The following WWOX variants were observed in gnomAD, a reference collection of about 807,000 sequenced individuals.
WWOX encodes WW domain-containing oxidoreductase.
WWOX carries 69 observed loss-of-function variants against 46.2 expected under a neutral mutation model. The ratio of observed to expected loss-of-function variants is 1.49; its 90% CI spans 1.23 to 1.82. WWOX has a LOEUF of 1.82. WWOX is among the 40% of genes most tolerant of loss of function. WWOX has a pLI of 0.00. For synonymous variants in WWOX, 359 were observed against 202.6 expected (o/e 1.77, Z -6.56); for missense variants, 919 against 542.6 (o/e 1.69, Z -6.89).
intron 8 of WWOX, among the ~76,000 whole-genome samples, chr16:79,107,328 T>C (rs2049331090): frequency 6.6e-6 from 1 of 151,842 alleles, no homozygotes; most frequent in Admixed American, 6.6e-5. Flanking sequence ...GCTCAAGTGA[T>C]CCGCCCTTCT....
chr16:78,672,341 T>G (rs920478864), intron 8 of WWOX, among the ~76,000 whole-genome samples: 4 of 152,212 alleles, frequency 2.6e-5, no homozygotes, highest in Non-Finnish European at 4.4e-5. Flanking sequence ...AAGTGCTTGT[T>G]AACTTTGCAC....
At chr16:78,770,206 T>C (rs1376332646) in intron 8 of WWOX, among the ~76,000 whole-genome samples, 1 of 151,546 alleles carries the variant, frequency 6.6e-6, no homozygotes, top group Non-Finnish European at 1.5e-5. Context: ...CAAAAGTGAG[T>C]CGGGGTTGGT....
At chr16:78,792,246 G>A (rs1157217193) in intron 8 of WWOX, among the ~76,000 whole-genome samples, 1 of 152,120 alleles carries the variant, frequency 6.6e-6, no homozygotes, top group Non-Finnish European at 1.5e-5. Flanking sequence ...TCTTTCTCAC[G>A]AGTCTGGCAA....
At chr16:78,662,913 G>T (rs1420705106) in intron 8 of WWOX, among the ~76,000 whole-genome samples, 1 of 152,162 alleles carries the variant, frequency 6.6e-6, no homozygotes, top group Non-Finnish European at 1.5e-5. Context: ...GAGAAGGTGA[G>T]AGTGCAAGAA....
intron 8 of WWOX, among the ~76,000 whole-genome samples, chr16:78,572,848 A>T (rs1425206846): frequency 6.6e-6 from 1 of 152,068 alleles, no homozygotes; most frequent in Non-Finnish European, 1.5e-5. Flanking sequence ...GAGGTATTGG[A>T]AAGTTCTGTT....
At chr16:78,119,014 G>C (rs1022163121) in intron 4 of WWOX, 5 of 152,178 alleles carry the variant, frequency 3.3e-5, no homozygotes, top group Admixed American at 3.3e-4. Context: ...CTCTCTCTGT[G>C]GAGATCAGCA....
At chr16:78,906,435 A>G (rs987837323) in intron 8 of WWOX, among the ~76,000 whole-genome samples, 3 of 152,094 alleles carry the variant, frequency 2.0e-5, no homozygotes, top group Admixed American at 2.0e-4. Context: ...CCCCAAGCTA[A>G]AATTCTCTTC....
intron 8 of WWOX, among the ~76,000 whole-genome samples, chr16:79,190,160 G>C (rs906299013): frequency 6.6e-6 from 1 of 152,018 alleles, no homozygotes; most frequent in African/African-American, 2.4e-5. Context: ...GAGTAGCTGG[G>C]ATTTTAGGTG....
chr16:78,657,871 A>G (rs2047117311), intron 8 of WWOX, among the ~76,000 whole-genome samples: 1 of 152,024 alleles, frequency 6.6e-6, no homozygotes, highest in Admixed American at 6.6e-5. Flanking sequence ...GGGCTGGAGT[A>G]GTGTGCAGAG....
chr16:78,979,099 T>TTC (rs1555506398), intron 8 of WWOX, among the ~76,000 whole-genome samples: 2 of 148,502 alleles, frequency 1.3e-5, no homozygotes, highest in Admixed American at 6.7e-5. Context: ...TTTTTTTTTT[T>TTC]CCCTATACAG....
chr16:78,597,484 T>C, intron 8 of WWOX, among the ~76,000 whole-genome samples: 1 of 152,190 alleles, frequency 6.6e-6, no homozygotes. Context: ...CCATTAAGCA[T>C]TTGTGGCCGC....
intron 5 of WWOX, among the ~76,000 whole-genome samples, chr16:78,200,664 C>G (rs2036201515): frequency 1.3e-5 from 2 of 148,448 alleles, no homozygotes; most frequent in South Asian, 4.4e-4. Flanking sequence ...TTTTTGTTAT[C>G]TGTAGAGCTG....
At chr16:78,162,337 C>A (rs1180111708) in intron 4 of WWOX, among the ~76,000 whole-genome samples, 2 of 152,070 alleles carry the variant, frequency 1.3e-5, no homozygotes, top group Non-Finnish European at 2.9e-5. Context: ...CTAAAACTAT[C>A]TGCAGTTTTT....
In WWOX at chr16:78,425,046, A is replaced by G. The variant is rs1464495960; in HGVS notation, c.782A>G (p.Glu261Gly). 6.2e-7 allele frequency: 1 copy of G among 1,613,784 alleles called. No individual in the cohort carries two copies. The highest frequency in any genetic ancestry group is 1.7e-5 in the Admixed American group (1 of 60,026). ...APARVIVVSS[E>G]SHRFTDINDS... ...GCCCGTGTCATTGTGGTCTCCTCAG[A>G]GTCCCATCGGTGGGTTTGAATTGCA... The change falls in exon 7 of 9, where the codon GAG becomes GGG. Residue 261 changes from glutamate (E) to glycine (G), a missense_variant. By Grantham distance (98) the Glu-to-Gly change is moderately conservative (BLOSUM62 -2). Coordinates refer to ENST00000566780, the MANE Select transcript of WWOX (RefSeq NM_016373.4).
chr16:78,714,002 C>T (rs920145614), intron 8 of WWOX, among the ~76,000 whole-genome samples: 4 of 152,034 alleles, frequency 2.6e-5, no homozygotes, highest in South Asian at 2.1e-4. Context: ...GTTCTCTTTC[C>T]GTGACACTGC....
At chr16:78,160,609 G>A (rs906635204) in intron 4 of WWOX, among the ~76,000 whole-genome samples, 1 of 152,094 alleles carries the variant, frequency 6.6e-6, no homozygotes, top group South Asian at 2.1e-4. Flanking sequence ...AGAATTTTCT[G>A]GGATCTTGTT....
intron 8 of WWOX, among the ~76,000 whole-genome samples, chr16:79,123,440 C>G (rs745930040): frequency 1.3e-5 from 2 of 152,118 alleles, no homozygotes; most frequent in African/African-American, 4.8e-5. Context: ...GTGAATCTGT[C>G]GTTTGTTGAG....
At chr16:79,205,329 C>G (rs1437642141) in intron 8 of WWOX, 5 of 152,236 alleles carry the variant, frequency 3.3e-5, no homozygotes, top group African/African-American at 7.2e-5. Flanking sequence ...GAATGACACT[C>G]TTCACCTGTC....
intron 8 of WWOX, among the ~76,000 whole-genome samples, chr16:78,803,374 C>T (rs1360116360): frequency 1.3e-5 from 2 of 152,072 alleles, no homozygotes; most frequent in African/African-American, 4.8e-5. Context: ...TTTATTTCTC[C>T]AGCTCATGCA....
Sources: allele counts gnomAD v4.1 joint callset (sites outside exome capture counted in the v4.1 genomes callset), GRCh38; gene constraint gnomAD v4.1.1; transcripts MANE v1.5; gene names NCBI Gene and HGNC (gene_info 2026-07-23, HGNC 2026-07-21).